The following KCNJ6 variants were observed in gnomAD, a reference collection of about 807,000 sequenced individuals.
KCNJ6 encodes the protein potassium inwardly rectifying channel subfamily J member 6, also known as G protein-activated inward rectifier potassium channel 2.
A neutral mutation model predicts 34.2 loss-of-function variants in KCNJ6; 9 were observed. The observed-to-expected ratio is 0.26, with a 90% CI of 0.16 to 0.46. The LOEUF is 0.46. KCNJ6 is among the 20% of genes least tolerant of loss of function. KCNJ6 has a pLI of 1.00. For synonymous variants in KCNJ6, 196 were observed against 207.1 expected (o/e 0.95, Z 0.46); for missense variants, 236 against 531.3 (o/e 0.44, Z 5.46).
chr21:37,858,710 A>G (rs180850125), intron 1 of KCNJ6, among the ~76,000 whole-genome samples: 17 of 152,328 alleles, frequency 1.1e-4, no homozygotes, highest in Non-Finnish European at 2.1e-4. Flanking sequence ...CTGGTGTTCA[A>G]GCAAAGAAAT....
At chr21:37,865,932 G>A (rs1409947009) in intron 1 of KCNJ6, among the ~76,000 whole-genome samples, 1 of 152,188 alleles carries the variant, frequency 6.6e-6, no homozygotes. Flanking sequence ...TCTCAGCAGT[G>A]TAGATCGTGT....
At chr21:37,907,257 A>G (rs2055846225) in intron 1 of KCNJ6, among the ~76,000 whole-genome samples, 1 of 152,224 alleles carries the variant, frequency 6.6e-6, no homozygotes, top group African/African-American at 2.4e-5. Context: ...CTGCTTAGTC[A>G]TATGATTACT....
At chr21:37,817,121 C>T (rs947352153) in intron 2 of KCNJ6, among the ~76,000 whole-genome samples, 10 of 152,170 alleles carry the variant, frequency 6.6e-5, no homozygotes, top group Admixed American at 1.3e-4. Context: ...ACCAACCTCA[C>T]GGAACTGTTG....
At chr21:37,897,771 T>C (rs8130521) in intron 1 of KCNJ6, among the ~76,000 whole-genome samples, 48,653 of 152,136 alleles carry the variant, frequency 0.32, 9,570 homozygotes, top group East Asian at 0.69. Context: ...CAATCGCATG[T>C]GTCCATCTCA....
intron 1 of KCNJ6, among the ~76,000 whole-genome samples, chr21:37,870,619 C>G: frequency 6.7e-6 from 1 of 149,872 alleles, no homozygotes; most frequent in East Asian, 2.0e-4. Context: ...AAAAGCAGCT[C>G]TTAGGAAGGC....
intron 2 of KCNJ6, among the ~76,000 whole-genome samples, chr21:37,743,097 G>A (rs940017429): frequency 6.6e-6 from 1 of 152,160 alleles, no homozygotes; most frequent in African/African-American, 2.4e-5. Context: ...CCCAGTGCCT[G>A]CCTCTGGGAC....
At chr21:37,646,858 G>A (rs1288542859) in intron 3 of KCNJ6, among the ~76,000 whole-genome samples, 1 of 152,034 alleles carries the variant, frequency 6.6e-6, no homozygotes, top group Non-Finnish European at 1.5e-5. Flanking sequence ...TTTTTTAGTA[G>A]AGACGGGGTT....
chr21:37,773,292 C>A (rs1347721817), intron 2 of KCNJ6, among the ~76,000 whole-genome samples: 2 of 152,168 alleles, frequency 1.3e-5, no homozygotes, highest in African/African-American at 2.4e-5. Context: ...TGGGTTCCAG[C>A]CTCAGCCCCG....
At chr21:37,783,296 T>G (rs1323446303) in intron 2 of KCNJ6, among the ~76,000 whole-genome samples, 1 of 152,208 alleles carries the variant, frequency 6.6e-6, no homozygotes, top group East Asian at 1.9e-4. Flanking sequence ...CATCTTGAAT[T>G]GTACTCCCAT....
At chr21:37,679,574 CAGAA>C (rs2054581753) in intron 3 of KCNJ6, among the ~76,000 whole-genome samples, 2 of 152,174 alleles carry the variant, frequency 1.3e-5, no homozygotes, top group South Asian at 4.1e-4. Context: ...CAGGCAAACA[CAGAA>C]AGAACAGGGA....
rs568432236 is a variant in KCNJ6 at position 37,714,178 on chromosome 21, C to A, written c.946+33G>T. ...GGTCCAGTTTAAAATGAGCATCTATCCCACAGCCATCCCAGGATAGAACAC... is the reference window on the plus strand; with the variant it reads ...GGTCCAGTTTAAAATGAGCATCTATACCACAGCCATCCCAGGATAGAACAC... On this transcript the variant is annotated intron_variant, in intron 3 of 3. Transcript: ENST00000609713. This position sits in a 1 kb window ranked among gnomAD's most constrained non-coding sequence, Gnocchi z 5.9. 1 of 1,491,918 alleles carries A rather than the reference C, an allele frequency of 6.7e-7. No homozygotes were observed. Among genetic ancestry groups the A allele is most frequent in the East Asian group, 2.3e-5 (1 of 44,250 alleles). The allele number at this position is 1,491,918 out of a possible 1,614,324, so 92.4% of individuals were successfully genotyped here.
At position 37,628,900 on chromosome 21, in the gene KCNJ6, T is replaced by C. The variant is rs578080355; in HGVS notation, c.947-3416A>G. 1.3e-4 allele frequency among the ~76,000 whole-genome samples: 20 copies of C among 152,302 alleles called. No individual in the cohort carries two copies. The East Asian group carries it at 3.7e-3, about 28-fold the overall frequency. ...CATGAGAAGACATTATTAAAAGCAC[T>C]GAAAGAAAAAGACTGGCAACCAAGA... is the stretch of plus-strand genomic sequence containing the variant. On this transcript the variant is annotated intron_variant, in intron 3 of 3. Coordinates refer to ENST00000609713, the MANE Select transcript of KCNJ6 (RefSeq NM_002240.5).
intron 3 of KCNJ6, among the ~76,000 whole-genome samples, chr21:37,671,820 T>G (rs1486128442): frequency 1.3e-5 from 2 of 152,232 alleles, no homozygotes; most frequent in Non-Finnish European, 2.9e-5. Context: ...GTGTTATCTG[T>G]TGTAAGAGTA....
intron 2 of KCNJ6, among the ~76,000 whole-genome samples, chr21:37,794,275 C>T (rs1309562948): frequency 6.6e-6 from 1 of 152,186 alleles, no homozygotes; most frequent in African/African-American, 2.4e-5. Flanking sequence ...TAATGGGGGC[C>T]ATGTCTCTGG....
intron 1 of KCNJ6, among the ~76,000 whole-genome samples, chr21:37,873,640 T>C (rs1426416075): frequency 6.6e-6 from 1 of 152,210 alleles, no homozygotes; most frequent in Non-Finnish European, 1.5e-5. Flanking sequence ...GAACCCACTA[T>C]GTAGGACTAG....
At position 37,669,128 on chromosome 21, in the gene KCNJ6, T is replaced by G. The variant is rs184966732; in HGVS notation, c.947-43644A>C. Among the ~76,000 whole-genome samples the G allele has an allele frequency of 1.9e-3, 282 of 152,310 alleles. 1 individual carries two copies. Among genetic ancestry groups the G allele is most frequent in the Middle Eastern group, 6.8e-3 (2 of 294 alleles). On this transcript the variant is annotated intron_variant, in intron 3 of 3. Transcript: ENST00000609713. ...TCTTAACCCAAACACTCCTTTCTAT[T>G]GATTCTAGGTCTTTAGATAATAACT...
intron 3 of KCNJ6, among the ~76,000 whole-genome samples, chr21:37,691,380 C>A (rs986923542): frequency 6.6e-6 from 1 of 152,182 alleles, no homozygotes; most frequent in Non-Finnish European, 1.5e-5. Context: ...GCTCCCAAAT[C>A]TTAACTTTCT....
At chr21:37,716,883 TC>T (rs2054794363) in intron 2 of KCNJ6, among the ~76,000 whole-genome samples, 2 of 152,242 alleles carry the variant, frequency 1.3e-5, no homozygotes, top group South Asian at 4.1e-4. Context: ...AGAAATTTCT[TC>T]CTCCAGACTT....
intron 2 of KCNJ6, among the ~76,000 whole-genome samples, chr21:37,724,035 G>A (rs181458821): frequency 9.9e-5 from 15 of 152,252 alleles, no homozygotes; most frequent in South Asian, 8.3e-4. Context: ...GCTGGTATGC[G>A]GTGTGCGTGG....
Sources: gnomAD v4.1 joint callset for allele counts (sites outside exome capture counted in the v4.1 genomes callset) on GRCh38, gnomAD v4.1.1 for gene constraint, Gnocchi (gnomAD v3.1) non-coding constraint, MANE v1.5 for transcripts, NCBI Gene and HGNC (gene_info 2026-07-23, HGNC 2026-07-21) for gene names.